The following TBC1D32 variants were observed in gnomAD, a reference collection of about 807,000 sequenced individuals.
The protein encoded by TBC1D32 is TBC1 domain family member 32.
Under a neutral mutation model 170.3 loss-of-function variants are expected in TBC1D32, and 151 were observed. The ratio of observed to expected loss-of-function variants is 0.89; its 90% CI spans 0.78 to 1.01. The LOEUF is 1.01. Among genes scored for constraint, TBC1D32 ranks in the 50% least tolerant of loss-of-function variants. TBC1D32 has a pLI of 0.00. For synonymous variants in TBC1D32, 498 were observed against 488.0 expected, an observed-to-expected ratio of 1.02 and a Z score of -0.27; for missense variants, 1,464 against 1,457.1, an observed-to-expected ratio of 1.00 and a Z score of -0.08.
At chr6:121,331,527 T>G (rs1321017337) in intron 1 of TBC1D32, among the ~76,000 whole-genome samples, 2 of 152,102 alleles carry the variant, frequency 1.3e-5, no homozygotes, top group African/African-American at 4.8e-5. Flanking sequence ...GCCTCCCCTA[T>G]AAGTCTTTTA....
At chr6:121,193,579 C>G (rs1034547875) in intron 22 of TBC1D32, among the ~76,000 whole-genome samples, 3 of 152,190 alleles carry the variant, frequency 2.0e-5, no homozygotes, top group African/African-American at 7.2e-5. Flanking sequence ...CCCTATGTGG[C>G]AAGGGCCAAG....
At chr6:121,106,223 A>T (rs1180912857) in intron 29 of TBC1D32, 60 bp from the exon 30 acceptor site, 43 of 1,048,342 alleles carry the variant, frequency 4.1e-5, no homozygotes, top group Non-Finnish European at 5.0e-5. Context: ...AATATAGATC[A>T]TTTAAAATAA....
chr6:121,187,688 C>T (rs1250934741), intron 22 of TBC1D32, among the ~76,000 whole-genome samples: 1 of 142,330 alleles, frequency 7.0e-6, no homozygotes, highest in African/African-American at 2.7e-5. Context: ...ATCTAACCCA[C>T]AAGAGAGAAA....
intron 24 of TBC1D32, among the ~76,000 whole-genome samples, chr6:121,157,990 C>A (rs1379819513): frequency 1.3e-5 from 2 of 152,028 alleles, no homozygotes; most frequent in South Asian, 4.1e-4. Flanking sequence ...TGGGGATCGT[C>A]ATCCTGTATA....
rs571134057 is a variant in TBC1D32, at chr6:121,309,780, T to C, written c.564+999A>G. On this transcript the variant is annotated intron_variant, in intron 4 of 31. Transcript: ENST00000398212. ...CAGGCACAGTGGCTCACACTTATAA[T>C]CCCAGCACTTTGGGAGGCCAAGGGA... Among the ~76,000 whole-genome samples the C allele has an allele frequency of 2.0e-5, 3 of 152,260 alleles. No homozygotes were observed. The East Asian group carries it at 5.8e-4, about 29-fold the overall frequency.
At chr6:121,219,326 A>G (rs1222858274) in intron 21 of TBC1D32, among the ~76,000 whole-genome samples, 1 of 152,224 alleles carries the variant, frequency 6.6e-6, no homozygotes. Context: ...TGATCTTTCT[A>G]CAGGGTTAAA....
intron 26 of TBC1D32, among the ~76,000 whole-genome samples, chr6:121,116,595 T>C (rs137960897): frequency 3.7e-4 from 57 of 152,320 alleles, no homozygotes; most frequent in African/African-American, 1.3e-3. Context: ...AGGATGAGTG[T>C]GCAGTGGGTG....
intron 9 of TBC1D32, among the ~76,000 whole-genome samples, chr6:121,302,304 C>A (rs1045234734): frequency 6.6e-6 from 1 of 152,016 alleles, no homozygotes; most frequent in African/African-American, 2.4e-5. Flanking sequence ...GACTGTAGGC[C>A]CACAACGCCA....
chr6:121,093,370 T>A (rs1469850712), intron 30 of TBC1D32, among the ~76,000 whole-genome samples: 2 of 152,130 alleles, frequency 1.3e-5, no homozygotes, highest in East Asian at 3.9e-4. Flanking sequence ...AATTCCTTAA[T>A]TGCCTGTTGC....
At chr6:121,122,136 C>G (rs1406927400) in intron 26 of TBC1D32, among the ~76,000 whole-genome samples, 2 of 152,028 alleles carry the variant, frequency 1.3e-5, no homozygotes, top group South Asian at 2.1e-4. Flanking sequence ...CTTTCTTTCT[C>G]TCATACCCCA....
intron 15 of TBC1D32, among the ~76,000 whole-genome samples, chr6:121,259,096 G>A (rs901085353): frequency 1.3e-5 from 2 of 151,900 alleles, no homozygotes; most frequent in African/African-American, 4.8e-5. Flanking sequence ...TCAGGAGTTC[G>A]AGACCAGCCT....
chr6:121,329,600 T>A (rs892277876), intron 1 of TBC1D32, among the ~76,000 whole-genome samples: 1 of 151,824 alleles, frequency 6.6e-6, no homozygotes, highest in African/African-American at 2.4e-5. Context: ...TGCAGCGAGC[T>A]GAGATCATGC....
chr6:121,136,386 C>G (rs1489104991), intron 24 of TBC1D32, among the ~76,000 whole-genome samples: 1 of 152,114 alleles, frequency 6.6e-6, no homozygotes, highest in Non-Finnish European at 1.5e-5. Flanking sequence ...CAGTGGTTCT[C>G]AAGTGGACAT....
intron 21 of TBC1D32, among the ~76,000 whole-genome samples, chr6:121,205,454 T>C (rs1271221138): frequency 2.0e-5 from 3 of 152,180 alleles, no homozygotes; most frequent in Non-Finnish European, 2.9e-5. Context: ...AAAACACTGA[T>C]TTTGACCCTA....
chr6:121,083,743 T>C (rs1380815222), intron 31 of TBC1D32, among the ~76,000 whole-genome samples: 2 of 152,136 alleles, frequency 1.3e-5, no homozygotes, highest in Non-Finnish European at 2.9e-5. Context: ...AATTCTCCTA[T>C]GTTAGTTACT....
Position 121,279,247 on chromosome 6 carries a change from T to C in TBC1D32, c.1609-2A>G. 1 of 1,599,424 alleles carries C rather than the reference T, an allele frequency of 6.3e-7. No individual in the cohort carries two copies. ...TGTCTCAGAGCAATTTGGAGATGCC[T>C]GTACATTAAAAAGAAAACAAGACAA... On this transcript the variant is annotated splice_acceptor_variant, in intron 14 of 31. Coordinates refer to ENST00000398212, the MANE Select transcript of TBC1D32 (RefSeq NM_152730.6). LOFTEE classifies it high-confidence loss of function.
chr6:121,253,012 A>T (rs1039552391), intron 17 of TBC1D32, among the ~76,000 whole-genome samples: 1 of 152,212 alleles, frequency 6.6e-6, no homozygotes, highest in Non-Finnish European at 1.5e-5. Context: ...TCTAGAAGAT[A>T]ACATTGGAAA....
chr6:121,266,754 C>A (rs1800543843), intron 15 of TBC1D32, among the ~76,000 whole-genome samples: 2 of 152,040 alleles, frequency 1.3e-5, no homozygotes, highest in Non-Finnish European at 2.9e-5. Flanking sequence ...AGCTCATGTC[C>A]TTTGCAGGCA....
chr6:121,094,212 G>C (rs1056208698), intron 30 of TBC1D32, among the ~76,000 whole-genome samples: 1 of 151,688 alleles, frequency 6.6e-6, no homozygotes, highest in East Asian at 1.9e-4. Flanking sequence ...CCATCACCCA[G>C]GCTGGAGTGC....
Sources: gnomAD v4.1 joint callset for allele counts (sites outside exome capture counted in the v4.1 genomes callset) on GRCh38, gnomAD v4.1.1 for gene constraint, MANE v1.5 for transcripts, NCBI Gene and HGNC (gene_info 2026-07-23, HGNC 2026-07-21) for gene names.